STK24: variants seen among roughly 807,000 people sequenced by gnomAD.
STK24 encodes serine/threonine-protein kinase 24.
In STK24, 21 loss-of-function variants were observed where a neutral mutation model predicts 55.6. That is an observed-to-expected ratio of 0.38 (90% CI 0.27 to 0.54). STK24 has a LOEUF of 0.54. STK24 is among the 20% of genes least tolerant of loss of function. The pLI is 0.79. For missense variants in STK24, 383 were observed against 538.4 expected (o/e 0.71, Z 2.86); for synonymous variants, 200 against 215.2 (o/e 0.93, Z 0.62).
chr13:98,576,097 T>G (rs745460286), intron 1 of STK24: 193 of 984,794 alleles, frequency 2.0e-4, no homozygotes, highest in Non-Finnish European at 2.2e-4. Context: ...GGTGCGCGGC[T>G]GTCCGAGGGA....
chr13:98,476,353 G>A (rs1594590845), intron 3 of STK24, among the ~76,000 whole-genome samples: 1 of 151,756 alleles, frequency 6.6e-6, no homozygotes, highest in Non-Finnish European at 1.5e-5. Context: ...GCCAGACAGA[G>A]GGCAGATGTC....
intron 3 of STK24, among the ~76,000 whole-genome samples, chr13:98,481,614 T>C (rs1894583052): frequency 6.6e-6 from 1 of 152,210 alleles, no homozygotes; most frequent in Non-Finnish European, 1.5e-5. Flanking sequence ...ATAACAGCCC[T>C]ACAAAAGTAA....
At chr13:98,497,337 T>C (rs1895286647) in intron 2 of STK24, among the ~76,000 whole-genome samples, 1 of 152,212 alleles carries the variant, frequency 6.6e-6, no homozygotes. Context: ...AATTGGTTTA[T>C]GGTCTCTCAC....
At chr13:98,477,145 A>G (rs1333657338) in intron 3 of STK24, among the ~76,000 whole-genome samples, 3 of 152,238 alleles carry the variant, frequency 2.0e-5, no homozygotes, top group African/African-American at 4.8e-5. Flanking sequence ...TAAGAAATGC[A>G]TATCAAAACT....
chr13:98,463,723 G>T lies in STK24; in HGVS notation c.897C>A (p.Ser299Arg). 1.2e-6 allele frequency: 2 copies of T among 1,614,140 alleles called. No individual in the cohort carries two copies. The highest frequency in any genetic ancestry group is 1.7e-6 in the Non-Finnish European group (2 of 1,180,020). Reference protein sequence around the residue: ...DRYKRWKAEQSHDDSSSEDSD... With the variant: ...DRYKRWKAEQRHDDSSSEDSD... ...AATCCTCGGAGCTCGAGTCGTCATG[G>T]CTCTGCTCGGCCTTCCATCTCTTGT... Residue 299 changes from serine (S) to arginine (R), a missense_variant, in exon 7 of 11, where the codon AGC becomes AGA. Transcript: ENST00000539966.
rs1893249923 is a variant in STK24, at chr13:98,452,539, C to A, written c.*634G>T. ...AGGGGCATTAATTATTAATGACAAA[C>A]CCTGCAAATACAAAATAAAACCCAA... On this transcript the variant is annotated 3_prime_UTR_variant, in exon 11 of 11. Coordinates refer to ENST00000539966, the MANE Select transcript of STK24 (RefSeq NM_001032296.4). 6.6e-6 allele frequency: 1 copy of A among 152,532 alleles called. No individual in the cohort carries two copies. Among genetic ancestry groups the A allele is most frequent in the Non-Finnish European group, 1.5e-5 (1 of 68,036 alleles). The allele number at this position is 152,532 out of a possible 1,614,324, so 9.4% of individuals were successfully genotyped here.
intron 1 of STK24, among the ~76,000 whole-genome samples, chr13:98,564,483 T>A (rs141135256): frequency 0.015 from 2,267 of 152,270 alleles, 21 homozygotes; most frequent in Middle Eastern, 0.031. Flanking sequence ...GGCACTGAGC[T>A]TTGGAGGAGC....
chr13:98,464,566 G>A (rs1472859413), intron 6 of STK24, among the ~76,000 whole-genome samples: 1 of 142,708 alleles, frequency 7.0e-6, no homozygotes, highest in East Asian at 2.1e-4. Context: ...GCACGATTTC[G>A]GCTCACTACA....
In STK24 at chr13:98,447,111, G is replaced by C. The variant is rs906514152; in HGVS notation, c.*6062C>G. On this transcript the variant is annotated 3_prime_UTR_variant, in exon 11 of 11. Coordinates refer to ENST00000539966, the MANE Select transcript of STK24 (RefSeq NM_001032296.4). ...GGATGATGAAGCTAAGCCCCAGTGA[G>C]ACTGCCTACATGGTGTAATGGCAGG... 5 of 344,790 alleles carry C rather than the reference G, an allele frequency of 1.5e-5. No homozygotes were observed. The highest frequency in any genetic ancestry group is 2.7e-5 in the Non-Finnish European group (5 of 184,306). 21.4% of individuals were successfully genotyped at this position (344,790 alleles called of 1,614,324 possible).
chr13:98,498,739 C>A (rs1467834134), intron 2 of STK24, among the ~76,000 whole-genome samples: 4 of 152,186 alleles, frequency 2.6e-5, no homozygotes, highest in Admixed American at 2.6e-4. Context: ...ACACCCTGCA[C>A]AAGAATCCAG....
chr13:98,566,582 C>G (rs1432626169), intron 1 of STK24, among the ~76,000 whole-genome samples: 3 of 152,226 alleles, frequency 2.0e-5, no homozygotes, highest in African/African-American at 7.2e-5. Context: ...AGGCCTGGCC[C>G]TCACTGAAGA....
chr13:98,448,044 G>A lies in STK24; in HGVS notation c.*5129C>T. 3.3e-6 allele frequency: 2 copies of A among 607,856 alleles called. No individual in the cohort carries two copies. Among genetic ancestry groups the A allele is most frequent in the Admixed American group, 2.8e-5 (1 of 35,918 alleles). The allele number at this position is 607,856 out of a possible 1,614,324, so 37.7% of individuals were successfully genotyped here. On this transcript the variant is annotated 3_prime_UTR_variant, in exon 11 of 11. Coordinates refer to ENST00000539966, the MANE Select transcript of STK24 (RefSeq NM_001032296.4). ...ACTTCCAGCTCCACACTGAGTGAGT[G>A]CCCAGGCCAGTGGGTCTCCACTGTA...
At chr13:98,463,887 A>AC in intron 6 of STK24, 51 bp from the exon 7 acceptor site, 1 of 1,586,106 alleles carries the variant, frequency 6.3e-7, no homozygotes, top group Non-Finnish European at 8.6e-7. Context: ...TCTTGGTCCT[A>AC]CCCCAAAGGA....
intron 1 of STK24, among the ~76,000 whole-genome samples, chr13:98,529,620 C>T (rs1316143563): frequency 1.3e-5 from 2 of 152,154 alleles, no homozygotes; most frequent in Non-Finnish European, 2.9e-5. Context: ...AGAAAATTCT[C>T]AAGGTGACAA....
At chr13:98,549,269 TG>T (rs1000418396) in intron 1 of STK24, among the ~76,000 whole-genome samples, 12 of 152,214 alleles carry the variant, frequency 7.9e-5, no homozygotes, top group African/African-American at 2.9e-4. Flanking sequence ...TTCTGGAGGT[TG>T]GGAAGTCCAA....
Position 98,475,128 on chromosome 13 carries a change from C to G in STK24, c.439+122G>C, listed in dbSNP as rs574957760. Reference sequence around the variant, plus strand: ...TTGTCAGACCCCCTCAAAGCCAGCCCAGCCCAGGCAAGGCAAACGTGCAGG... The same window carrying G: ...TTGTCAGACCCCCTCAAAGCCAGCCGAGCCCAGGCAAGGCAAACGTGCAGG... On this transcript the variant is annotated intron_variant, in intron 4 of 10. Transcript: ENST00000539966. 5 of 1,404,280 alleles carry G rather than the reference C, an allele frequency of 3.6e-6. No homozygotes were observed. The East Asian group carries it at 1.2e-4, about 34-fold the overall frequency. The allele number at this position is 1,404,280 out of a possible 1,614,324, so 87.0% of individuals were successfully genotyped here. A position where few individuals can be genotyped will look rare whatever the true frequency, so the allele number is the denominator to read the frequency against.
chr13:98,460,528 A>ATACG, intron 8 of STK24, 88 bp from the exon 9 acceptor site: 1 of 1,112,756 alleles, frequency 9.0e-7, no homozygotes. Context: ...GGACTATGGA[A>ATACG]GCGCAGGAGT....
At chr13:98,519,587 T>C (rs1201314479) in intron 1 of STK24, 114 bp from the exon 2 acceptor site, 5 of 840,286 alleles carry the variant, frequency 6.0e-6, no homozygotes, top group Non-Finnish European at 9.5e-6. Flanking sequence ...GACTCATCTA[T>C]TTTCTGTGTC....
chr13:98,495,568 T>TAAATGGAAAG (rs1895221263), intron 2 of STK24, among the ~76,000 whole-genome samples: 1 of 152,224 alleles, frequency 6.6e-6, no homozygotes, highest in African/African-American at 2.4e-5. Context: ...TAATTGGAAT[T>TAAATGGAAAG]TTAATTCCAT....
Sources: gnomAD v4.1 joint callset for allele counts (sites outside exome capture counted in the v4.1 genomes callset) on GRCh38, gnomAD v4.1.1 for gene constraint, MANE v1.5 for transcripts, NCBI Gene and HGNC (gene_info 2026-07-23, HGNC 2026-07-21) for gene names.